AGBL4: variants seen among roughly 807,000 people sequenced by gnomAD.
AGBL4 encodes the protein AGBL carboxypeptidase 4, also known as cytosolic carboxypeptidase 6.
In AGBL4, 58 loss-of-function variants were observed where a neutral mutation model predicts 66.4. The ratio of observed to expected loss-of-function variants is 0.87; its 90% CI spans 0.71 to 1.09. AGBL4 has a LOEUF of 1.09. AGBL4 is among the 50% of genes least tolerant of loss of function. AGBL4 has a pLI of 0.00. For synonymous variants in AGBL4, 234 were observed against 222.9 expected, an observed-to-expected ratio of 1.05 and a Z score of -0.44; for missense variants, 579 against 631.0, an observed-to-expected ratio of 0.92 and a Z score of 0.88.
At chr1:49,510,274 T>G (rs920626376) in intron 3 of AGBL4, among the ~76,000 whole-genome samples, 15 of 152,116 alleles carry the variant, frequency 9.9e-5, no homozygotes, top group Admixed American at 2.0e-4. Context: ...TGATTGCCAT[T>G]CTAACTGGTG....
intron 3 of AGBL4, among the ~76,000 whole-genome samples, chr1:49,472,725 T>C (rs2148714407): frequency 6.6e-6 from 1 of 152,138 alleles, no homozygotes; most frequent in East Asian, 1.9e-4. Context: ...ATGGGTATAT[T>C]GTGTGATGCT....
intron 12 of AGBL4, 30 bp from the exon 13 acceptor site, chr1:48,534,946 C>T (rs1458097777): frequency 1.3e-6 from 2 of 1,549,028 alleles, no homozygotes; most frequent in East Asian, 2.4e-5. Flanking sequence ...CATGTCCTTC[C>T]TGCCTCTTAG....
At chr1:48,632,644 T>C (rs1330829993) in intron 9 of AGBL4, among the ~76,000 whole-genome samples, 2 of 152,254 alleles carry the variant, frequency 1.3e-5, no homozygotes, top group African/African-American at 4.8e-5. Flanking sequence ...GGAATAATTG[T>C]TTTGTATCTA....
rs1365979667 is a variant in AGBL4 at position 49,292,652 on chromosome 1, C to T, written c.283-46788G>A. 3.3e-5 allele frequency among the ~76,000 whole-genome samples: 5 copies of T among 152,152 alleles called. No homozygotes were observed. In the East Asian group the frequency reaches 9.7e-4, roughly 29 times the overall value. On this transcript the variant is annotated intron_variant, in intron 3 of 13. Coordinates refer to ENST00000371839, the MANE Select transcript of AGBL4 (RefSeq NM_032785.4). ...TGACCAGCTGCAAAGAGGAGCTACC[C>T]TCTCCAGGGCCTCCTCTCTACTGAA...
At position 48,742,231 on chromosome 1, in the gene AGBL4, G is replaced by C. The variant is rs149592020; in HGVS notation, c.635-78990C>G. 3.4e-3 allele frequency among the ~76,000 whole-genome samples: 522 copies of C among 152,250 alleles called. 1 individual carries two copies. The highest frequency in any genetic ancestry group is 6.6e-3 in the South Asian group (32 of 4,818). Reference sequence around the variant, plus strand: ...ATGAACACAAACTGAGTTGTTATCTGTAAATAAGATACTTCATTTCCAGTT... The same window carrying C: ...ATGAACACAAACTGAGTTGTTATCTCTAAATAAGATACTTCATTTCCAGTT... On this transcript the variant is annotated intron_variant, in intron 6 of 13. Transcript: ENST00000371839.
intron 3 of AGBL4, among the ~76,000 whole-genome samples, chr1:49,604,861 C>T (rs1645034833): frequency 6.6e-6 from 1 of 152,104 alleles, no homozygotes; most frequent in African/African-American, 2.4e-5. Flanking sequence ...CAGCTTCAGA[C>T]TTCATCTCAG....
intron 4 of AGBL4, among the ~76,000 whole-genome samples, chr1:49,065,754 G>A (rs913222042): frequency 2.4e-4 from 37 of 152,252 alleles, no homozygotes; most frequent in South Asian, 1.5e-3. Context: ...AGAAGTGTCC[G>A]CTAAAATAGA....
chr1:48,611,785 T>C (rs1645242827), intron 9 of AGBL4, among the ~76,000 whole-genome samples: 1 of 152,202 alleles, frequency 6.6e-6, no homozygotes, highest in Non-Finnish European at 1.5e-5. Context: ...GGCAACACTA[T>C]ATATAAGCAC....
chr1:49,730,148 G>A (rs1314757397), intron 2 of AGBL4, among the ~76,000 whole-genome samples: 2 of 152,104 alleles, frequency 1.3e-5, no homozygotes, highest in East Asian at 1.9e-4. Flanking sequence ...CACACAGTGG[G>A]CTACCCACTT....
At chr1:49,111,248 G>C (rs1330590829) in intron 4 of AGBL4, among the ~76,000 whole-genome samples, 1 of 152,046 alleles carries the variant, frequency 6.6e-6, no homozygotes, top group Non-Finnish European at 1.5e-5. Context: ...CAATAGCTGG[G>C]AGTACAGGCG....
chr1:49,639,716 AG>A (rs1316518108), intron 3 of AGBL4, among the ~76,000 whole-genome samples: 1 of 152,224 alleles, frequency 6.6e-6, no homozygotes, highest in African/African-American at 2.4e-5. Context: ...ATAAGAGAAC[AG>A]GGGAGCAAAT....
At chr1:49,606,886 A>G (rs1476410556) in intron 3 of AGBL4, among the ~76,000 whole-genome samples, 1 of 152,012 alleles carries the variant, frequency 6.6e-6, no homozygotes, top group African/African-American at 2.4e-5. Context: ...TACCACATTC[A>G]TGGCATCACA....
chr1:48,676,313 C>T (rs529733975), intron 6 of AGBL4, among the ~76,000 whole-genome samples: 24 of 152,230 alleles, frequency 1.6e-4, no homozygotes, highest in Non-Finnish European at 3.2e-4. Flanking sequence ...CTGGCAGGTG[C>T]TGCAAGTGTG....
At chr1:48,800,939 G>A (rs1198897988) in intron 6 of AGBL4, among the ~76,000 whole-genome samples, 1 of 151,854 alleles carries the variant, frequency 6.6e-6, no homozygotes, top group African/African-American at 2.4e-5. Context: ...TCAGGTTGGG[G>A]TAGGGTTAGG....
intron 3 of AGBL4, among the ~76,000 whole-genome samples, chr1:49,372,665 TTCTTTCTTTCTTTC>T (rs1167052540): frequency 4.8e-4 from 52 of 109,326 alleles, no homozygotes; most frequent in East Asian, 1.8e-3. Flanking sequence ...CTTTCTTTCT[TTCTTTCTTTCTTTC>T]TCTTTCTTTC....
At chr1:49,735,174 A>G (rs1317144484) in intron 2 of AGBL4, among the ~76,000 whole-genome samples, 2 of 152,088 alleles carry the variant, frequency 1.3e-5, no homozygotes, top group Non-Finnish European at 2.9e-5. Flanking sequence ...CTTACACAAT[A>G]CCAAACGTTT....
chr1:49,506,438 C>T lies in AGBL4; in HGVS notation c.282+190875G>A, dbSNP rs191873045. On this transcript the variant is annotated intron_variant, in intron 3 of 13. Transcript: ENST00000371839. ...CATGTTGTGGGAGGGACCCAGTGGGCGGTACTTGAATCATGGGGGTGGGTC... is the reference window on the plus strand; with the variant it reads ...CATGTTGTGGGAGGGACCCAGTGGGTGGTACTTGAATCATGGGGGTGGGTC... Among the ~76,000 whole-genome samples the T allele has an allele frequency of 1.7e-3, 264 of 152,032 alleles. 3 individuals are homozygous for T. Among genetic ancestry groups the T allele is most frequent in the African/African-American group, 6.0e-3 (251 of 41,498 alleles).
At chr1:49,946,892 G>A (rs1247520431) in intron 1 of AGBL4, among the ~76,000 whole-genome samples, 2 of 151,880 alleles carry the variant, frequency 1.3e-5, no homozygotes. Context: ...TGACACGATA[G>A]AAATACAAAA....
chr1:48,952,901 T>C (rs1657121264), intron 5 of AGBL4, among the ~76,000 whole-genome samples: 1 of 152,112 alleles, frequency 6.6e-6, no homozygotes, highest in East Asian at 1.9e-4. Flanking sequence ...TTAGTGTTAG[T>C]GCATTTTATG....
Sources: gnomAD v4.1 joint callset for allele counts (sites outside exome capture counted in the v4.1 genomes callset) on GRCh38, gnomAD v4.1.1 for gene constraint, MANE v1.5 for transcripts, NCBI Gene and HGNC (gene_info 2026-07-23, HGNC 2026-07-21) for gene names.